The following C10orf143 variants were observed in gnomAD, a reference collection of about 807,000 sequenced individuals.
C10orf143 encodes the protein uncharacterized protein C10orf143.
intron 3 of C10orf143, among the ~76,000 whole-genome samples, chr10:130,070,735 T>G (rs970735606): frequency 4.6e-5 from 7 of 152,236 alleles, no homozygotes; most frequent in African/African-American, 1.7e-4. Context: ...TGTATCTAGA[T>G]AGTATCATTC....
intron 1 of C10orf143, among the ~76,000 whole-genome samples, chr10:130,102,419 C>A (rs1371854787): frequency 1.3e-5 from 2 of 152,004 alleles, no homozygotes; most frequent in Admixed American, 6.6e-5. Context: ...ATTATAGGCG[C>A]CTGCCACCAC....
At position 130,103,834 on chromosome 10, in the gene C10orf143, A is replaced by G. The variant is rs1298504783; in HGVS notation, c.69+6870T>C. Among the ~76,000 whole-genome samples the G allele has an allele frequency of 1.6e-4, 24 of 151,078 alleles. No individual in the cohort carries two copies. The Admixed American group carries it at 1.6e-3, about 10-fold the overall frequency. ...CAAAAAGAAAACAAAAAAAAAAGCT[A>G]GAAAGAAGGATCTTGAATCAACTCA... On this transcript the variant is annotated intron_variant, in intron 1 of 3. Transcript: ENST00000637128.
rs1053025628 is a variant in C10orf143 at position 130,056,455 on chromosome 10, T to C, written c.298-20485A>G. Among the ~76,000 whole-genome samples the C allele has an allele frequency of 6.6e-6, 1 of 152,164 alleles. No homozygotes were observed. Among genetic ancestry groups the C allele is most frequent in the Admixed American group, 6.5e-5 (1 of 15,280 alleles). On this transcript the variant is annotated intron_variant and NMD_transcript_variant, in intron 3 of 5. Coordinates refer to the C10orf143 transcript ENST00000643056. This position sits in a 1 kb window ranked among gnomAD's most constrained non-coding sequence, Gnocchi z 4.6. ...ACCCCAGGACCTTCATGTGGGTGAC[T>C]GAGAACTCATACTTGGCTGGTCCAT...
chr10:130,085,796 T>A (rs541649253), intron 1 of C10orf143, among the ~76,000 whole-genome samples: 4 of 145,252 alleles, frequency 2.8e-5, no homozygotes, highest in African/African-American at 7.5e-5. Context: ...GAAAAAAAAA[T>A]ATCTTGCATC....
At chr10:130,043,086 G>A (rs1214930854) in intron 3 of C10orf143, among the ~76,000 whole-genome samples, 2 of 152,110 alleles carry the variant, frequency 1.3e-5, no homozygotes, top group Non-Finnish European at 2.9e-5. Flanking sequence ...GCATGCTTGA[G>A]TATGTTTGAA....
intron 3 of C10orf143, among the ~76,000 whole-genome samples, chr10:130,077,525 G>A (rs1861138600): frequency 6.6e-6 from 1 of 152,230 alleles, no homozygotes; most frequent in East Asian, 1.9e-4. Flanking sequence ...CTCTGACCAA[G>A]AGAACCATTC....
intron 3 of C10orf143, among the ~76,000 whole-genome samples, chr10:130,073,953 C>G (rs1861073135): frequency 6.6e-6 from 1 of 152,172 alleles, no homozygotes; most frequent in Non-Finnish European, 1.5e-5. Context: ...CCAGACTCTT[C>G]CATTCCCAGC....
chr10:130,105,781 G>A (rs577694008), intron 1 of C10orf143, among the ~76,000 whole-genome samples: 1 of 151,682 alleles, frequency 6.6e-6, no homozygotes, highest in Non-Finnish European at 1.5e-5. Context: ...ACCTCCCCAC[G>A]GCTGCCTGGC....
intron 3 of C10orf143, among the ~76,000 whole-genome samples, chr10:130,055,952 T>TAAAA (rs369284797): frequency 0.013 from 873 of 65,760 alleles, 1 homozygote; most frequent in East Asian, 0.018. Flanking sequence ...TCTCCAAAAG[T>TAAAA]AAAAAAAAAA....
At chr10:130,062,061 G>T (rs960931120), downstream of C10orf143, among the ~76,000 whole-genome samples, 1 of 152,180 alleles carries the variant, frequency 6.6e-6, no homozygotes, top group Non-Finnish European at 1.5e-5. Context: ...GGCCAGAGTA[G>T]GATGGGACTG....
intron 4 of C10orf143, among the ~76,000 whole-genome samples, chr10:130,035,495 C>G (rs1171110907): frequency 6.6e-6 from 1 of 152,238 alleles, no homozygotes; most frequent in Non-Finnish European, 1.5e-5. Flanking sequence ...GAGGACTACC[C>G]TCTCCTAAAA....
chr10:130,084,745 T>A (rs1267419864), intron 1 of C10orf143, among the ~76,000 whole-genome samples: 4 of 152,188 alleles, frequency 2.6e-5, no homozygotes, highest in Admixed American at 6.5e-5. Context: ...ACTTATCACC[T>A]AGAAATTGGT....
At chr10:130,057,183 C>T (rs1860806586) in intron 3 of C10orf143, among the ~76,000 whole-genome samples, 1 of 152,104 alleles carries the variant, frequency 6.6e-6, no homozygotes, top group Non-Finnish European at 1.5e-5. Flanking sequence ...TGAGCTACCA[C>T]ATCTGGCTGA....
At chr10:130,093,012 G>A (rs940124522) in intron 1 of C10orf143, among the ~76,000 whole-genome samples, 25 of 152,260 alleles carry the variant, frequency 1.6e-4, no homozygotes, top group Non-Finnish European at 2.8e-4. Flanking sequence ...AGATCAACGA[G>A]ACAGAAAATT....
rs140648638 is a variant in C10orf143 at position 130,091,532 on chromosome 10, G to C, written c.70-11631C>G. 2.0e-5 allele frequency among the ~76,000 whole-genome samples: 3 copies of C among 152,118 alleles called. No individual in the cohort carries two copies. In the South Asian group the frequency reaches 6.2e-4, roughly 31 times the overall value. On this transcript the variant is annotated intron_variant, in intron 1 of 3. Transcript: ENST00000637128. ...CTCCTCCAAAGGAATACAACTCCTCGCCAGCAAGAGAACAAAACTGGAGAG... is the reference window on the plus strand; with the variant it reads ...CTCCTCCAAAGGAATACAACTCCTCCCCAGCAAGAGAACAAAACTGGAGAG...
At chr10:130,104,516 G>C (rs1861608909) in intron 1 of C10orf143, 1 of 152,224 alleles carries the variant, frequency 6.6e-6, no homozygotes, top group African/African-American at 2.4e-5. Context: ...CCAAATTCTG[G>C]AGACGCCTGT....
chr10:130,077,674 C>G (rs1398033221), intron 3 of C10orf143, among the ~76,000 whole-genome samples: 4 of 152,198 alleles, frequency 2.6e-5, no homozygotes, highest in African/African-American at 9.7e-5. Context: ...AGCACGACTC[C>G]CAGGGATCTT....
intron 1 of C10orf143, chr10:130,106,060 G>A (rs1484701110): frequency 3.5e-6 from 2 of 574,202 alleles, no homozygotes; most frequent in Admixed American, 4.2e-5. Context: ...TGGAGCCAGG[G>A]GCTACCCCTC....
chr10:130,076,005 A>C (rs1232126236), intron 3 of C10orf143, among the ~76,000 whole-genome samples: 1 of 111,828 alleles, frequency 8.9e-6, no homozygotes, highest in Non-Finnish European at 2.0e-5. Context: ...TTTTTTTTGG[A>C]AATGATGGAG....
Sources: allele counts gnomAD v4.1 joint callset (sites outside exome capture counted in the v4.1 genomes callset), GRCh38; gene constraint gnomAD v4.1.1; non-coding constraint Gnocchi (gnomAD v3.1); transcripts MANE v1.5; gene names NCBI Gene and HGNC (gene_info 2026-07-23, HGNC 2026-07-21).